Variants in PPP1R16B observed in about 807,000 individuals in gnomAD.
The protein encoded by PPP1R16B is protein phosphatase 1 regulatory inhibitor subunit 16B.
Under a neutral mutation model 61.7 loss-of-function variants are expected in PPP1R16B, and 14 were observed. That is an observed-to-expected ratio of 0.23 (90% CI 0.15 to 0.35). The LOEUF is 0.35. Ranked by LOEUF, PPP1R16B falls within the 10% of genes least tolerant of loss-of-function variation. PPP1R16B has a pLI of 1.00. For missense variants in PPP1R16B, 547 were observed against 752.5 expected (o/e 0.73, Z 3.19); for synonymous variants, 266 against 305.3 (o/e 0.87, Z 1.34).
intron 1 of PPP1R16B, among the ~76,000 whole-genome samples, chr20:38,835,033 A>G (rs2084860671): frequency 6.6e-6 from 1 of 152,246 alleles, no homozygotes; most frequent in Non-Finnish European, 1.5e-5. Context: ...GATAATGAGT[A>G]GAAAAGGTTA....
chr20:38,913,817 C>T (rs989530894), intron 10 of PPP1R16B, among the ~76,000 whole-genome samples: 9 of 152,148 alleles, frequency 5.9e-5, no homozygotes, highest in African/African-American at 2.2e-4. Context: ...AGTTTTTCTG[C>T]ATTGCAGTGC....
intron 4 of PPP1R16B, among the ~76,000 whole-genome samples, chr20:38,899,783 G>A (rs987532499): frequency 6.6e-6 from 1 of 151,934 alleles, no homozygotes; most frequent in African/African-American, 2.4e-5. Context: ...ACAAGTGACC[G>A]AACCTGTCTG....
At chr20:38,912,141 C>T (rs2085496017) in intron 10 of PPP1R16B, among the ~76,000 whole-genome samples, 1 of 148,520 alleles carries the variant, frequency 6.7e-6, no homozygotes, top group Non-Finnish European at 1.5e-5. Context: ...CTCTTGTTGC[C>T]TAGCCTGGAG....
chr20:38,835,999 C>T lies in PPP1R16B; in HGVS notation c.74C>T (p.Ala25Val), dbSNP rs1441128640. The part of the protein sequence containing the change: ...EKVPTLERLR[A>V]AQKRRAQQLK... ...GTGCCCACGCTGGAGCGGCTGCGGG[C>T]TGCCCAGAAGCGCCGGGCCCAGCAG... The change falls in exon 2 of 11, where the codon GCT (alanine) becomes GTT (valine). Residue 25 changes from alanine to valine, a missense_variant. Transcript: ENST00000299824. 22 of 1,570,874 alleles carry T rather than the reference C, an allele frequency of 1.4e-5. No individual in the cohort carries two copies. The highest frequency in any genetic ancestry group is 2.3e-5 in the South Asian group (2 of 86,218).
chr20:38,891,185 C>T (rs75592259), intron 3 of PPP1R16B, among the ~76,000 whole-genome samples: 2 of 152,178 alleles, frequency 1.3e-5, no homozygotes, highest in Non-Finnish European at 2.9e-5. Context: ...CTACTGCGTG[C>T]CAGAAAGGTG....
chr20:38,845,932 A>G (rs2084933441), intron 2 of PPP1R16B, among the ~76,000 whole-genome samples: 1 of 152,188 alleles, frequency 6.6e-6, no homozygotes, highest in Non-Finnish European at 1.5e-5. Flanking sequence ...ACAGTAGCGT[A>G]GGTGAGAGCC....
chr20:38,912,930 C>A (rs183279154), intron 10 of PPP1R16B, among the ~76,000 whole-genome samples: 4 of 152,138 alleles, frequency 2.6e-5, no homozygotes, highest in Non-Finnish European at 2.9e-5. Flanking sequence ...AGTGCAGTGG[C>A]GCAAACTTCG....
intron 2 of PPP1R16B, 129 bp from the exon 3 acceptor site, chr20:38,889,466 A>C: frequency 1.3e-6 from 1 of 776,174 alleles, no homozygotes; most frequent in Non-Finnish European, 2.2e-6. Context: ...CAGTTGTCTC[A>C]TCTGTAAAAT....
chr20:38,897,326 T>C (rs931115716), intron 4 of PPP1R16B, among the ~76,000 whole-genome samples: 1 of 152,166 alleles, frequency 6.6e-6, no homozygotes. Flanking sequence ...GACACCATCT[T>C]AAAAAAACAA....
intron 2 of PPP1R16B, among the ~76,000 whole-genome samples, chr20:38,882,180 A>G (rs415256): frequency 0.8 from 121,459 of 152,076 alleles, 48,508 homozygotes; most frequent in South Asian, 0.88. Flanking sequence ...GCAAGGGCAC[A>G]GGGCAGAGAG....
chr20:38,881,811 A>G (rs545352943), intron 2 of PPP1R16B, among the ~76,000 whole-genome samples: 50 of 152,246 alleles, frequency 3.3e-4, no homozygotes, highest in Non-Finnish European at 4.9e-4. Context: ...GGCTCTCTTC[A>G]TGATAACATC....
chr20:38,856,747 C>A (rs1392472679), intron 2 of PPP1R16B, among the ~76,000 whole-genome samples: 3 of 152,250 alleles, frequency 2.0e-5, no homozygotes, highest in Admixed American at 6.5e-5. Context: ...TTAGTAACCC[C>A]ATCTTACAGG....
chr20:38,905,181 G>T (rs1255254437), intron 6 of PPP1R16B, among the ~76,000 whole-genome samples: 3 of 152,092 alleles, frequency 2.0e-5, no homozygotes, highest in Admixed American at 2.0e-4. Context: ...TGGTTTCTTT[G>T]GGTCAGAGAG....
chr20:38,896,100 TGTCTCCCCTCCCTTCC>T (rs1568679396), intron 4 of PPP1R16B, among the ~76,000 whole-genome samples: 8 of 113,988 alleles, frequency 7.0e-5, no homozygotes, highest in East Asian at 3.1e-4. Context: ...GCCTTTCTTC[TGTCTCCCCTCCCTTCC>T]TTCTTTCTTC....
chr20:38,903,112 G>A (rs2085409885), intron 6 of PPP1R16B, among the ~76,000 whole-genome samples: 1 of 152,186 alleles, frequency 6.6e-6, no homozygotes, highest in African/African-American at 2.4e-5. Context: ...TCTAGCCTGG[G>A]TGACAGAAAG....
intron 2 of PPP1R16B, among the ~76,000 whole-genome samples, chr20:38,844,977 C>T (rs772856181): frequency 1.3e-5 from 2 of 150,290 alleles, no homozygotes; most frequent in Non-Finnish European, 3.0e-5. Context: ...ACCCACCCCA[C>T]CCCACCCCCT....
chr20:38,836,300 C>T, intron 2 of PPP1R16B, 125 bp downstream of exon 2: 16 of 1,355,644 alleles, frequency 1.2e-5, no homozygotes, highest in Non-Finnish European at 1.5e-5. Flanking sequence ...CAAGTTCCAG[C>T]AGCCCCATTC....
chr20:38,889,958 G>T (rs1274016805), intron 3 of PPP1R16B, among the ~76,000 whole-genome samples: 1 of 152,256 alleles, frequency 6.6e-6, no homozygotes, highest in Non-Finnish European at 1.5e-5. Context: ...AAGTGTGTTT[G>T]GAGCTTGACA....
At chr20:38,870,147 T>C (rs960561924) in intron 2 of PPP1R16B, among the ~76,000 whole-genome samples, 3 of 152,006 alleles carry the variant, frequency 2.0e-5, no homozygotes, top group Non-Finnish European at 4.4e-5. Context: ...TGGTCTTGAA[T>C]TCCTGACCTC....
Sources: allele counts gnomAD v4.1 joint callset (sites outside exome capture counted in the v4.1 genomes callset), GRCh38; gene constraint gnomAD v4.1.1; transcripts MANE v1.5; gene names NCBI Gene and HGNC (gene_info 2026-07-23, HGNC 2026-07-21).